ABHD2: variants seen among roughly 807,000 people sequenced by gnomAD.
ABHD2 encodes the protein abhydrolase domain containing 2, acylglycerol lipase, also known as monoacylglycerol lipase ABHD2.
In ABHD2, 20 loss-of-function variants were observed where a neutral mutation model predicts 48.1. That is an observed-to-expected ratio of 0.42 (90% CI 0.29 to 0.60). The LOEUF is 0.60. Among genes scored for constraint, ABHD2 ranks in the 20% least tolerant of loss-of-function variants. The probability of loss-of-function intolerance (pLI) is 0.24; values close to 1 mark genes in which losing one functional copy is unlikely to be tolerated. For synonymous variants in ABHD2, 209 were observed against 214.2 expected, an observed-to-expected ratio of 0.98 and a Z score of 0.21; for missense variants, 405 against 550.9, an observed-to-expected ratio of 0.74 and a Z score of 2.65.
the ABHD2 span, among the ~76,000 whole-genome samples, chr15:89,078,093 C>G: frequency 1.3e-5 from 2 of 152,216 alleles, no homozygotes; most frequent in Admixed American, 1.3e-4. Context: ...TGACCCTTCT[C>G]TCTTTCTTGC....
rs781435580 is a variant in ABHD2 at position 89,175,774 on chromosome 15, C to T, written c.539-38C>T. Reference sequence around the variant, plus strand: ...TTGCATTTTCTCCAGATAGGATGCACCTGAAATGATTGAGCAATCTCACCC... The same window carrying T: ...TTGCATTTTCTCCAGATAGGATGCATCTGAAATGATTGAGCAATCTCACCC... On this transcript the variant is annotated intron_variant, in intron 5 of 10. Transcript: ENST00000352732. The surrounding 1 kb of genome is among the most constrained non-coding windows in gnomAD (Gnocchi z 5.7). The T allele has an allele frequency of 1.1e-5, 17 of 1,612,572 alleles. No homozygotes were observed. Among genetic ancestry groups the T allele is most frequent in the African/African-American group, 1.3e-5 (1 of 74,948 alleles).
the ABHD2 span, chr15:89,075,233 T>C: frequency 6.6e-6 from 1 of 152,326 alleles, no homozygotes; most frequent in African/African-American, 2.4e-5. The surrounding 1 kb of genome is among the most constrained non-coding windows in gnomAD (Gnocchi z 4.1). Context: ...AAAGTGTGAA[T>C]GATGTGGGTT....
rs1170017954 is a variant in ABHD2 at position 89,198,018 on chromosome 15, C to T, written c.*2595C>T. 6.6e-6 allele frequency: 1 copy of T among 152,168 alleles called. No homozygotes were observed. The highest frequency in any genetic ancestry group is 1.5e-5 in the Non-Finnish European group (1 of 68,032). The allele number at this position is 152,168 out of a possible 1,614,324, so 9.4% of individuals were successfully genotyped here. On this transcript the variant is annotated 3_prime_UTR_variant, in exon 11 of 11. Coordinates refer to ENST00000352732, the MANE Select transcript of ABHD2 (RefSeq NM_152924.5). The surrounding 1 kb of genome is among the most constrained non-coding windows in gnomAD (Gnocchi z 5.1). ...CAGAGGCATTGAATTCACAGAGCTG[C>T]AAACTTGCCTGATAAATGAGGGAGT...
In ABHD2 at chr15:89,104,388, G is replaced by A. The variant is rs1054734938; in HGVS notation, c.-106-9337G>A. 54 of 152,200 alleles carry A rather than the reference G, an allele frequency of 3.5e-4. No homozygotes were observed. The highest frequency in any genetic ancestry group is 1.3e-3 in the African/African-American group (52 of 41,440). 9.4% of individuals were successfully genotyped at this position (152,200 alleles called of 1,614,324 possible). A position where few individuals can be genotyped will look rare whatever the true frequency, so the allele number is the denominator to read the frequency against. ...AATTGGCAGGGGAGGAGAGGGTCGT[G>A]GCCCATTGGTCATTGGTCGGGTTTC... On this transcript the variant is annotated intron_variant, in intron 1 of 10. Transcript: ENST00000352732. This position sits in a 1 kb window ranked among gnomAD's most constrained non-coding sequence, Gnocchi z 4.4.
At chr15:89,180,981 A>G (rs976218229) in intron 6 of ABHD2, among the ~76,000 whole-genome samples, 3 of 152,204 alleles carry the variant, frequency 2.0e-5, no homozygotes, top group African/African-American at 7.2e-5. Flanking sequence ...GAATCCCAGC[A>G]CTTTGGGAGG....
At chr15:89,067,534 G>A in the ABHD2 span, among the ~76,000 whole-genome samples, 3 of 152,136 alleles carry the variant, frequency 2.0e-5, no homozygotes, top group African/African-American at 7.2e-5. Flanking sequence ...ATTGTGGTGT[G>A]GCAGGGCAGG....
intron 3 of ABHD2, chr15:89,135,478 A>G: frequency 1.3e-6 from 1 of 798,124 alleles, no homozygotes; most frequent in Non-Finnish European, 2.1e-6. Flanking sequence ...TTTTCTTTAA[A>G]AGGAGTGAGT....
chr15:89,059,176 C>T, the ABHD2 span, among the ~76,000 whole-genome samples: 2 of 152,164 alleles, frequency 1.3e-5, no homozygotes, highest in African/African-American at 2.4e-5. Context: ...GCTCTCTTCT[C>T]TGCTGTACCT....
chr15:89,124,934 C>T (rs895715670), intron 3 of ABHD2, among the ~76,000 whole-genome samples: 1 of 152,082 alleles, frequency 6.6e-6, no homozygotes, highest in African/African-American at 2.4e-5. Context: ...ACTAAAAATA[C>T]AAAAATTGGC....
At chr15:89,052,638 C>G in the ABHD2 span, among the ~76,000 whole-genome samples, 1 of 151,890 alleles carries the variant, frequency 6.6e-6, no homozygotes. Flanking sequence ...GGCAATGTTT[C>G]TACAAGCCAA....
At chr15:89,052,546 GACAGACAGACAGACACAC>G in the ABHD2 span, among the ~76,000 whole-genome samples, 3 of 137,068 alleles carry the variant, frequency 2.2e-5, no homozygotes, top group South Asian at 2.2e-4. Flanking sequence ...CAGACAGACA[GACAGACAGACAGACACAC>G]ACACACACAC....
In ABHD2 at chr15:89,182,154, T is replaced by C. The variant is rs2051124754; in HGVS notation, c.723-3270T>C. Among the ~76,000 whole-genome samples the C allele has an allele frequency of 1.3e-5, 2 of 152,226 alleles. No individual in the cohort carries two copies. The highest frequency in any genetic ancestry group is 4.1e-4 in the South Asian group (2 of 4,834). Reference sequence around the variant, plus strand: ...TCTCAAAAAAGACTCCCAGTGAAACTATACTGGGTTTGGGGGTTAATTTTC... The same window carrying C: ...TCTCAAAAAAGACTCCCAGTGAAACCATACTGGGTTTGGGGGTTAATTTTC... On this transcript the variant is annotated intron_variant, in intron 6 of 10. Coordinates refer to ENST00000352732, the MANE Select transcript of ABHD2 (RefSeq NM_152924.5). The surrounding 1 kb of genome is among the most constrained non-coding windows in gnomAD (Gnocchi z 4.8).
rs199669891 is a variant in ABHD2 at position 89,175,939 on chromosome 15, A to T, written c.666A>T (p.Ala222=). ...GCAAATACTTGGGGGAGACTCAGGC[A>T]AACCAAGAGAAGGTCCTGTGCTGCG... ...IVCKYLGETQ[A]NQEKVLCCVS... is the part of the protein sequence containing the mutation. Residue 222 remains alanine, a synonymous_variant, in exon 6 of 11, where the codon GCA becomes GCT. Coordinates refer to ENST00000352732, the MANE Select transcript of ABHD2 (RefSeq NM_152924.5). The surrounding 1 kb of genome is among the most constrained non-coding windows in gnomAD (Gnocchi z 5.7). The T allele has an allele frequency of 2.2e-5, 36 of 1,614,090 alleles. No individual in the cohort carries two copies. The Admixed American group carries it at 2.3e-4, about 10-fold the overall frequency.
the ABHD2 span, among the ~76,000 whole-genome samples, chr15:89,062,162 G>C: frequency 2.0e-5 from 3 of 152,158 alleles, no homozygotes; most frequent in African/African-American, 7.2e-5. Context: ...TTTTGAACCT[G>C]AAGGCTGAAA....
intron 5 of ABHD2, among the ~76,000 whole-genome samples, chr15:89,163,161 ATTC>A (rs2050787947): frequency 6.6e-6 from 1 of 152,298 alleles, no homozygotes; most frequent in African/African-American, 2.4e-5. Context: ...GAAACTCTAT[ATTC>A]TTCTTTTGCT....
chr15:89,089,620 AG>A (rs946659160), intron 1 of ABHD2, among the ~76,000 whole-genome samples: 10 of 152,184 alleles, frequency 6.6e-5, no homozygotes, highest in African/African-American at 2.4e-4. Flanking sequence ...GGCTCCACAG[AG>A]GGACCTGGAG....
At chr15:89,089,445 C>G (rs1373169056) in intron 1 of ABHD2, among the ~76,000 whole-genome samples, 2 of 152,216 alleles carry the variant, frequency 1.3e-5, no homozygotes, top group African/African-American at 4.8e-5. Flanking sequence ...CTGGATTATA[C>G]AAAAAGATAG....
At chr15:89,108,396 A>G (rs1286893898) in intron 1 of ABHD2, among the ~76,000 whole-genome samples, 1 of 152,186 alleles carries the variant, frequency 6.6e-6, no homozygotes, top group Non-Finnish European at 1.5e-5. Context: ...CTTTGTATCC[A>G]GATTTCACTT....
intron 6 of ABHD2, among the ~76,000 whole-genome samples, chr15:89,178,569 C>T (rs1469921109): frequency 6.6e-6 from 1 of 152,194 alleles, no homozygotes; most frequent in Non-Finnish European, 1.5e-5. Flanking sequence ...CCCATCTAGC[C>T]AGAGCCGGTT....
Sources: gnomAD v4.1 joint callset for allele counts (sites outside exome capture counted in the v4.1 genomes callset) on GRCh38, gnomAD v4.1.1 for gene constraint, Gnocchi (gnomAD v3.1) non-coding constraint, MANE v1.5 for transcripts, NCBI Gene and HGNC (gene_info 2026-07-23, HGNC 2026-07-21) for gene names.